NBAS: variants seen among roughly 807,000 people sequenced by gnomAD.
The protein encoded by NBAS is NAG/BC035112 fusion.
In NBAS, 219 loss-of-function variants were observed where a neutral mutation model predicts 302.5. That is an observed-to-expected ratio of 0.72 (90% CI 0.65 to 0.81). NBAS has a LOEUF of 0.81. NBAS is among the 30% of genes least tolerant of loss of function. NBAS has a pLI of 0.00. For missense variants in NBAS, 2,932 were observed against 2,841.6 expected, an observed-to-expected ratio of 1.03 and a Z score of -0.72; for synonymous variants, 1,118 against 1,021.6, an observed-to-expected ratio of 1.09 and a Z score of -1.80.
chr2:15,546,239 T>C (rs1362642256), intron 6 of NBAS, among the ~76,000 whole-genome samples: 1 of 152,210 alleles, frequency 6.6e-6, no homozygotes, highest in East Asian at 1.9e-4. Flanking sequence ...TTGATAGTAT[T>C]TATCTCTTGG....
intron 50 of NBAS, chr2:15,179,752 TG>T (rs367655583): frequency 6.5e-6 from 1 of 152,988 alleles, no homozygotes; most frequent in African/African-American, 2.4e-5. Flanking sequence ...AAAATGAAAA[TG>T]TGTTTGGATC....
rs1232631800 is a variant in NBAS at position 15,539,234 on chromosome 2, CAA to C, written c.500_501del (p.Phe167CysfsTer7). 6.8e-6 allele frequency: 11 copies of C among 1,614,040 alleles called. No homozygotes were observed. The highest frequency in any genetic ancestry group is 8.5e-6 in the Non-Finnish European group (10 of 1,180,030). On this transcript the variant is annotated frameshift_variant, in exon 7 of 52. Coordinates refer to ENST00000281513, the MANE Select transcript of NBAS (RefSeq NM_015909.4). LOFTEE classifies it high-confidence loss of function. Reference protein sequence around the residue: ...RVFDLMGSELFVISPASSFIG... With the variant: ...RVFDLMGSELXVISPASSFIG... ...AGCTATGTACATACCGGGGAAATGACAAAGAGTTCACTTCCCATGAGATCAAA... is the reference window on the plus strand; with the variant it reads ...AGCTATGTACATACCGGGGAAATGACAGAGTTCACTTCCCATGAGATCAAA...
intron 11 of NBAS, among the ~76,000 whole-genome samples, chr2:15,495,222 T>C (rs1334333307): frequency 6.6e-6 from 1 of 152,194 alleles, no homozygotes; most frequent in Non-Finnish European, 1.5e-5. Context: ...CTGCACCCAC[T>C]TGTACAGGGG....
chr2:15,417,031 T>C (rs1676972892), intron 24 of NBAS, among the ~76,000 whole-genome samples: 1 of 152,154 alleles, frequency 6.6e-6, no homozygotes, highest in Non-Finnish European at 1.5e-5. Context: ...GTTGACTCAG[T>C]GGCCGGAGTA....
chr2:15,050,426 A>G, the NBAS span, among the ~76,000 whole-genome samples: 1 of 152,192 alleles, frequency 6.6e-6, no homozygotes, highest in Non-Finnish European at 1.5e-5. Context: ...TGGAGTGCCT[A>G]TAATGTATAT....
chr2:15,327,015 C>T (rs955013301), intron 38 of NBAS, among the ~76,000 whole-genome samples: 2 of 152,058 alleles, frequency 1.3e-5, no homozygotes, highest in Non-Finnish European at 2.9e-5. Flanking sequence ...CGGCACTGCC[C>T]AGGCTTATTG....
chr2:15,332,859 G>T (rs780332349), intron 35 of NBAS, among the ~76,000 whole-genome samples: 1 of 152,270 alleles, frequency 6.6e-6, no homozygotes, highest in Non-Finnish European at 1.5e-5. Context: ...GTTGCTAGAA[G>T]TTGAGAAGCT....
intron 40 of NBAS, among the ~76,000 whole-genome samples, chr2:15,293,047 CA>C (rs1004033074): frequency 8.6e-5 from 13 of 152,018 alleles, no homozygotes; most frequent in Admixed American, 2.0e-4. Context: ...ACTTAAAAAA[CA>C]ATATATTCTT....
At chr2:14,881,134 C>T in the NBAS span, among the ~76,000 whole-genome samples, 1 of 152,118 alleles carries the variant, frequency 6.6e-6, no homozygotes. Context: ...AGTATATGTA[C>T]ACCATGGTAT....
chr2:15,371,345 G>A (rs13399241), intron 31 of NBAS, among the ~76,000 whole-genome samples: 1,678 of 152,198 alleles, frequency 0.011, 22 homozygotes, highest in African/African-American at 0.038. Context: ...GTGAAAACAG[G>A]CTAATACAAT....
At chr2:15,441,599 T>C (rs1678411072) in intron 21 of NBAS, among the ~76,000 whole-genome samples, 2 of 150,834 alleles carry the variant, frequency 1.3e-5, no homozygotes, top group African/African-American at 4.9e-5. Flanking sequence ...CTGCATCAAC[T>C]AACGAGCAAA....
intron 47 of NBAS, among the ~76,000 whole-genome samples, 192 bp from the exon 48 acceptor site, chr2:15,219,160 T>C (rs1346980189): frequency 6.6e-6 from 1 of 152,206 alleles, no homozygotes; most frequent in Non-Finnish European, 1.5e-5. Flanking sequence ...CTATGTAAAA[T>C]GAATGTAATT....
At chr2:14,912,701 TTTAAAAA>T in the NBAS span, among the ~76,000 whole-genome samples, 50 of 73,662 alleles carry the variant, frequency 6.8e-4, no homozygotes, top group Admixed American at 2.4e-3. Flanking sequence ...TGCATTCATT[TTTAAAAA>T]AAAAAAAAAA....
At chr2:15,291,753 T>A (rs992446588) in intron 41 of NBAS, among the ~76,000 whole-genome samples, 2 of 152,248 alleles carry the variant, frequency 1.3e-5, no homozygotes, top group African/African-American at 4.8e-5. Context: ...TTTACCATAC[T>A]GAAGAAGAAA....
At chr2:14,972,444 TAAAG>T in the NBAS span, among the ~76,000 whole-genome samples, 1 of 152,024 alleles carries the variant, frequency 6.6e-6, no homozygotes, top group East Asian at 1.9e-4. Flanking sequence ...ATAATAATAA[TAAAG>T]AATGTCAATC....
Position 15,268,314 on chromosome 2 carries a change from G to A in NBAS, c.5724+7170C>T, listed in dbSNP as rs376178539. ...AAACATCTGTGGGTCAGGACCAGACGTTTGCTGCAGAGAAGTATATCCGTC... is the reference window on the plus strand; with the variant it reads ...AAACATCTGTGGGTCAGGACCAGACATTTGCTGCAGAGAAGTATATCCGTC... On this transcript the variant is annotated intron_variant, in intron 44 of 51. Coordinates refer to ENST00000281513, the MANE Select transcript of NBAS (RefSeq NM_015909.4). Among the ~76,000 whole-genome samples the A allele has an allele frequency of 1.5e-3, 228 of 152,292 alleles. No individual in the cohort carries two copies. The South Asian group carries it at 0.017, about 11-fold the overall frequency.
At chr2:15,461,087 A>C (rs1016413552) in intron 21 of NBAS, 114 bp downstream of exon 21, 2 of 1,013,336 alleles carry the variant, frequency 2.0e-6, no homozygotes, top group African/African-American at 3.3e-5. Context: ...TATCAGGAAA[A>C]AAGTTTAAAT....
chr2:14,783,523 A>T, the NBAS span, among the ~76,000 whole-genome samples: 1 of 127,406 alleles, frequency 7.8e-6, no homozygotes, highest in African/African-American at 3.0e-5. Context: ...TCCTGTATCC[A>T]TGTGTTCTCA....
At chr2:15,213,538 C>T (rs1205610618) in intron 48 of NBAS, among the ~76,000 whole-genome samples, 2 of 152,118 alleles carry the variant, frequency 1.3e-5, no homozygotes, top group Non-Finnish European at 2.9e-5. Context: ...ATATCAGTGC[C>T]ATATATTTCC....
Sources: gnomAD v4.1 joint callset for allele counts (sites outside exome capture counted in the v4.1 genomes callset) on GRCh38, gnomAD v4.1.1 for gene constraint, MANE v1.5 for transcripts, NCBI Gene and HGNC (gene_info 2026-07-23, HGNC 2026-07-21) for gene names.